The following TULP4 variants were observed in gnomAD, a reference collection of about 807,000 sequenced individuals.
TULP4 encodes the protein tubby-related protein 4.
TULP4 carries 16 observed loss-of-function variants against 129.0 expected under a neutral mutation model. The ratio of observed to expected loss-of-function variants is 0.12; its 90% CI spans 0.08 to 0.19. The LOEUF (loss-of-function observed/expected upper bound fraction) is 0.19, where lower values mean the gene tolerates loss of function less well. Among genes scored for constraint, TULP4 ranks in the 10% least tolerant of loss-of-function variants. The pLI, the probability that TULP4 is intolerant of heterozygous loss-of-function variation, is 1.00. For synonymous variants in TULP4, 998 were observed against 854.0 expected, an observed-to-expected ratio of 1.17 and a Z score of -2.94; for missense variants, 1,842 against 2,059.1, an observed-to-expected ratio of 0.89 and a Z score of 2.04.
chr6:158,498,894 A>T (rs1177207679), intron 12 of TULP4, 82 bp downstream of exon 12: 1 of 1,542,270 alleles, frequency 6.5e-7, no homozygotes, highest in African/African-American at 1.4e-5. Context: ...CAAGTTGTTG[A>T]GGATTTCAGT....
chr6:158,301,601 CAA>C (rs933710255), intron 1 of TULP4, among the ~76,000 whole-genome samples: 1 of 152,128 alleles, frequency 6.6e-6, no homozygotes, highest in Non-Finnish European at 1.5e-5. Context: ...GATAAACAGA[CAA>C]AGTTTTTGAC....
intron 2 of TULP4, among the ~76,000 whole-genome samples, chr6:158,418,371 G>T (rs1442014151): frequency 6.7e-6 from 1 of 149,068 alleles, no homozygotes; most frequent in Non-Finnish European, 1.5e-5. Flanking sequence ...GCCTCCCAAA[G>T]TGCTGGAATT....
upstream of TULP4, among the ~76,000 whole-genome samples, chr6:158,309,128 C>T (rs1283408663): frequency 2.0e-4 from 8 of 39,268 alleles, 1 homozygote; most frequent in African/African-American, 5.0e-4. Context: ...CTCCTCATTT[C>T]TCAGATGGGG....
At chr6:158,241,481 G>A (rs1777909046) in intron 1 of TULP4, among the ~76,000 whole-genome samples, 2 of 151,752 alleles carry the variant, frequency 1.3e-5, no homozygotes, top group African/African-American at 4.8e-5. Flanking sequence ...ACGAGACTCC[G>A]TCTGCAATCC....
At chr6:158,308,951 C>T (rs1214710729), upstream of TULP4, among the ~76,000 whole-genome samples, 2 of 144,494 alleles carry the variant, frequency 1.4e-5, no homozygotes, top group South Asian at 2.2e-4. Context: ...ACCCACCTCC[C>T]TCCCGGACGG....
chr6:158,269,436 G>C lies in TULP4; in HGVS notation n.68+37133G>C, dbSNP rs1030960801. Among the ~76,000 whole-genome samples, 3 of 151,604 alleles carry C rather than the reference G, an allele frequency of 2.0e-5. No homozygotes were observed. In the East Asian group the frequency reaches 5.8e-4, roughly 29 times the overall value. On this transcript the variant is annotated intron_variant and non_coding_transcript_variant, in intron 1 of 1. Transcript: ENST00000620026. ...GTCTCACTGGGAGACTGAGAACATG[G>C]AGTAAGATGCAAAGTGGGCCCTTCC...
At chr6:158,300,632 A>G (rs1487437132) in intron 1 of TULP4, among the ~76,000 whole-genome samples, 3 of 152,242 alleles carry the variant, frequency 2.0e-5, no homozygotes, top group Non-Finnish European at 4.4e-5. Flanking sequence ...CTGCAAAGCA[A>G]GAATACAGAT....
chr6:158,420,332 C>T (rs1197431484), intron 2 of TULP4, among the ~76,000 whole-genome samples: 1 of 152,208 alleles, frequency 6.6e-6, no homozygotes, highest in African/African-American at 2.4e-5. Context: ...ATTTGGCTCA[C>T]AGGCCATAGC....
chr6:158,393,797 G>A lies in TULP4; in HGVS notation c.253-19268G>A, dbSNP rs964351955. On this transcript the variant is annotated intron_variant, in intron 1 of 13. Transcript: ENST00000367097. The stretch of plus-strand genomic sequence containing the variant: ...TAGGCCTCCAGAGCTGTGATAGGAC[G>A]GGCTGCAGGGAAAATATCTGAAATG... 3.3e-5 allele frequency among the ~76,000 whole-genome samples: 5 copies of A among 152,166 alleles called. No individual in the cohort carries two copies. In the East Asian group the frequency reaches 5.8e-4, roughly 18 times the overall value.
chr6:158,365,757 T>C lies in TULP4; in HGVS notation c.253-47308T>C, dbSNP rs573619824. On this transcript the variant is annotated intron_variant, in intron 1 of 13. Transcript: ENST00000367097. ...AAATGCTGGGATTACAGGCATGAGC[T>C]ACCGCGCCCGGCCTGGAAGTTTTAA... Among the ~76,000 whole-genome samples, 140 of 151,208 alleles carry C rather than the reference T, an allele frequency of 9.3e-4. 1 individual carries two copies. Among genetic ancestry groups the C allele is most frequent in the Middle Eastern group, 3.4e-3 (1 of 292 alleles).
At chr6:158,239,952 C>T (rs1189734046) in intron 1 of TULP4, among the ~76,000 whole-genome samples, 1 of 85,798 alleles carries the variant, frequency 1.2e-5, no homozygotes, top group Non-Finnish European at 2.7e-5. Context: ...GCTGACCCCC[C>T]CCACCTCCCT....
chr6:158,482,251 C>T (rs1397033524), intron 8 of TULP4, among the ~76,000 whole-genome samples: 1 of 152,172 alleles, frequency 6.6e-6, no homozygotes, highest in Non-Finnish European at 1.5e-5. Context: ...TGTGGCCTGA[C>T]CAGTCACCCC....
rs147838492 is a variant in TULP4, at chr6:158,434,614, C to T, written c.543+4717C>T. Among the ~76,000 whole-genome samples, 479 of 152,232 alleles carry T rather than the reference C, an allele frequency of 3.1e-3. 1 individual carries two copies. Among genetic ancestry groups the T allele is most frequent in the Non-Finnish European group, 5.2e-3 (356 of 68,018 alleles). On this transcript the variant is annotated intron_variant, in intron 3 of 13. Transcript: ENST00000367097. ...CTTGATATGTGAAAATTATTTGAGA[C>T]GTTGACATTTTGAAATATTCTTCCA...
rs185998712 is a variant in TULP4 at position 158,421,902 on chromosome 6, G to A, written c.382-7834G>A. 1.0e-3 allele frequency among the ~76,000 whole-genome samples: 157 copies of A among 152,292 alleles called. 4 individuals are homozygous for A. Among genetic ancestry groups the A allele is most frequent in the Admixed American group, 0.01 (155 of 15,288 alleles). ...AGGGCATGACTCCCCAGACCCCTTA[G>A]ATAGGAATTTGGGCAAGGTAAAAGA... On this transcript the variant is annotated intron_variant, in intron 2 of 13. Transcript: ENST00000367097.
intron 1 of TULP4, among the ~76,000 whole-genome samples, chr6:158,396,335 C>T (rs1024217082): frequency 3.9e-5 from 6 of 152,180 alleles, no homozygotes; most frequent in African/African-American, 1.4e-4. Context: ...TAGTATCACC[C>T]TTGCGTAAAA....
intron 1 of TULP4, among the ~76,000 whole-genome samples, chr6:158,326,158 A>T (rs866269651): frequency 3.4e-4 from 52 of 152,344 alleles, no homozygotes; most frequent in Middle Eastern, 3.4e-3. Flanking sequence ...AGATGAGCCA[A>T]GTAGGGTACT....
intron 1 of TULP4, among the ~76,000 whole-genome samples, chr6:158,250,359 T>C (rs1000295607): frequency 1.5e-4 from 23 of 151,728 alleles, no homozygotes; most frequent in South Asian, 6.2e-4. Flanking sequence ...GATTTCACCA[T>C]GTTGGCCAGG....
At chr6:158,487,165 T>TTGAACCCA (rs1562587159) in intron 8 of TULP4, among the ~76,000 whole-genome samples, 1 of 151,524 alleles carries the variant, frequency 6.6e-6, no homozygotes, top group Non-Finnish European at 1.5e-5. Flanking sequence ...GGAGAATCAC[T>TTGAACCCA]GCCTCGGGAG....
upstream of TULP4, among the ~76,000 whole-genome samples, chr6:158,279,082 C>T (rs540317830): frequency 1.1e-3 from 155 of 137,820 alleles, 2 homozygotes; most frequent in Admixed American, 0.01. Context: ...TGGGACTAGG[C>T]GCCTGCCACT....
Sources: gnomAD v4.1 joint callset for allele counts (sites outside exome capture counted in the v4.1 genomes callset) on GRCh38, gnomAD v4.1.1 for gene constraint, MANE v1.5 for transcripts, NCBI Gene and HGNC (gene_info 2026-07-23, HGNC 2026-07-21) for gene names.